Variants in GALNTL5 observed in about 807,000 individuals in gnomAD.
GALNTL5 encodes polypeptide N-acetylgalactosaminyltransferase like 5, also known as inactive polypeptide N-acetylgalactosaminyltransferase-like protein 5.
Under a neutral mutation model 51.0 loss-of-function variants are expected in GALNTL5, and 44 were observed. That is an observed-to-expected ratio of 0.86 (90% CI 0.68 to 1.11). The LOEUF (loss-of-function observed/expected upper bound fraction) is 1.11, where lower values mean the gene tolerates loss of function less well. Among genes scored for constraint, GALNTL5 ranks in the 50% least tolerant of loss-of-function variants. The pLI, the probability that GALNTL5 is intolerant of heterozygous loss-of-function variation, is 0.00. For missense variants in GALNTL5, 528 were observed against 531.8 expected, an observed-to-expected ratio of 0.99 and a Z score of 0.07; for synonymous variants, 192 against 182.8, an observed-to-expected ratio of 1.05 and a Z score of -0.41.
chr7:151,984,203 G>T (rs1279166601), intron 4 of GALNTL5: 6 of 152,244 alleles, frequency 3.9e-5, no homozygotes, highest in Non-Finnish European at 8.8e-5. Flanking sequence ...CTGCAGTTAA[G>T]TGTGTATTCT....
At chr7:151,964,477 G>A (rs1008293411) in intron 1 of GALNTL5, among the ~76,000 whole-genome samples, 2 of 152,174 alleles carry the variant, frequency 1.3e-5, no homozygotes, top group African/African-American at 2.4e-5. Context: ...TAAGTCTCAC[G>A]AGATCTGATG....
chr7:152,013,777 C>T (rs901974399), intron 7 of GALNTL5, among the ~76,000 whole-genome samples: 2 of 152,290 alleles, frequency 1.3e-5, no homozygotes, highest in East Asian at 1.9e-4. Context: ...TTTATGTCTA[C>T]GTGAGTTTAC....
chr7:151,975,290 G>A (rs2081192457), intron 3 of GALNTL5, among the ~76,000 whole-genome samples: 1 of 151,980 alleles, frequency 6.6e-6, no homozygotes, highest in Non-Finnish European at 1.5e-5. Flanking sequence ...TCATGATTCA[G>A]TCTTGATAGG....
chr7:152,002,171 T>G (rs773019320), intron 5 of GALNTL5, among the ~76,000 whole-genome samples: 1 of 151,972 alleles, frequency 6.6e-6, no homozygotes, highest in Non-Finnish European at 1.5e-5. Context: ...TCCCAGCTAC[T>G]TGGGAGGCTG....
chr7:152,010,036 C>T (rs571013939), intron 7 of GALNTL5, among the ~76,000 whole-genome samples: 1 of 152,182 alleles, frequency 6.6e-6, no homozygotes, highest in East Asian at 1.9e-4. Flanking sequence ...TTCATCCATG[C>T]AACAATATGT....
chr7:151,975,513 C>T (rs1230959014), intron 3 of GALNTL5, among the ~76,000 whole-genome samples: 3 of 151,910 alleles, frequency 2.0e-5, no homozygotes, highest in African/African-American at 7.2e-5. Flanking sequence ...AAAAACCCAA[C>T]TCTTTGTTTG....
At chr7:151,990,643 C>G (rs1204372810) in intron 5 of GALNTL5, among the ~76,000 whole-genome samples, 3 of 150,972 alleles carry the variant, frequency 2.0e-5, no homozygotes, top group Non-Finnish European at 3.0e-5. Context: ...CCTAGCCTCT[C>G]TTCAATAGGA....
At chr7:152,006,782 TG>T (rs200148435) in intron 6 of GALNTL5, among the ~76,000 whole-genome samples, 2 of 151,440 alleles carry the variant, frequency 1.3e-5, no homozygotes, top group South Asian at 2.1e-4. Context: ...TTCTTTTTTT[TG>T]GGGGGGGCGG....
At chr7:151,972,659 T>G (rs905258117) in intron 3 of GALNTL5, among the ~76,000 whole-genome samples, 2 of 152,166 alleles carry the variant, frequency 1.3e-5, no homozygotes, top group African/African-American at 4.8e-5. Flanking sequence ...GGGACCAAAG[T>G]ACAACTAAGG....
chr7:151,999,507 C>G (rs2081544385), intron 5 of GALNTL5, among the ~76,000 whole-genome samples: 1 of 152,220 alleles, frequency 6.6e-6, no homozygotes, highest in Non-Finnish European at 1.5e-5. Flanking sequence ...CTCCATATCC[C>G]TGCCAAAACT....
intron 7 of GALNTL5, among the ~76,000 whole-genome samples, chr7:152,011,822 T>C (rs1221947820): frequency 6.6e-6 from 1 of 152,206 alleles, no homozygotes; most frequent in Non-Finnish European, 1.5e-5. Flanking sequence ...TTTCTATTCC[T>C]AAGAGTTTTA....
At chr7:151,985,146 C>T (rs1341735571) in intron 4 of GALNTL5, among the ~76,000 whole-genome samples, 1 of 152,164 alleles carries the variant, frequency 6.6e-6, no homozygotes, top group Non-Finnish European at 1.5e-5. Context: ...GCTCCATCAC[C>T]CAGTTATGCC....
At position 151,967,210 on chromosome 7, in the gene GALNTL5, A is replaced by C. The variant is rs1238856840; in HGVS notation, c.-37A>C. The stretch of plus-strand genomic sequence containing the variant: ...CCTCTTAAATCATTCTGATTTAGGA[A>C]ATTGAAAAATGGACCTTTGAAAATG... On this transcript the variant is annotated splice_region_variant and 5_prime_UTR_variant, in exon 2 of 9. Transcript: ENST00000392800. The C allele has an allele frequency of 1.0e-5, 16 of 1,588,440 alleles. No homozygotes were observed. The highest frequency in any genetic ancestry group is 1.3e-5 in the Non-Finnish European group (15 of 1,165,998).
In GALNTL5 at chr7:152,019,688, T is replaced by C. The variant is rs779333636; in HGVS notation, c.1219T>C (p.Tyr407His). The change falls in exon 9 of 9, where the codon TAC (tyrosine) becomes CAC (histidine). Residue 407 changes from tyrosine (Y) to histidine (H), a missense_variant. Physicochemically the swap from Tyr to His is moderately conservative, Grantham distance 83. Coordinates refer to ENST00000392800, the MANE Select transcript of GALNTL5 (RefSeq NM_145292.4). ...AAAGCCTGGTCTGAAATATGTCACC[T>C]ACGGAAATATTCGCGAGCGTGTTGA... ...LRKPGLKYVTYGNIRERVELR... is the reference protein window; with the variant it reads ...LRKPGLKYVTHGNIRERVELR... 18 of 1,613,698 alleles carry C rather than the reference T, an allele frequency of 1.1e-5. No homozygotes were observed. In the Admixed American group the frequency reaches 2.8e-4, roughly 25 times the overall value.
At chr7:151,988,393 G>A (rs763668111) in intron 5 of GALNTL5, among the ~76,000 whole-genome samples, 58 of 152,104 alleles carry the variant, frequency 3.8e-4, no homozygotes, top group Non-Finnish European at 4.1e-4. Context: ...CACGGGAGGC[G>A]AATCATTTGT....
chr7:152,004,746 C>T (rs2081622874), intron 6 of GALNTL5, among the ~76,000 whole-genome samples: 1 of 152,158 alleles, frequency 6.6e-6, no homozygotes, highest in South Asian at 2.1e-4. Flanking sequence ...AGATAATGGC[C>T]TCCAGTTCCA....
chr7:152,008,834 T>C (rs1402070422), intron 7 of GALNTL5, among the ~76,000 whole-genome samples: 1 of 152,206 alleles, frequency 6.6e-6, no homozygotes, highest in Non-Finnish European at 1.5e-5. Context: ...CATTTTATTC[T>C]GTTTAGTTGA....
chr7:151,981,034 C>A (rs973652096), intron 3 of GALNTL5, among the ~76,000 whole-genome samples: 1 of 152,062 alleles, frequency 6.6e-6, no homozygotes, highest in Admixed American at 6.5e-5. Context: ...CTTGAGCCAC[C>A]GCGCCCGGCC....
At chr7:151,971,094 T>A in intron 3 of GALNTL5, 29 bp downstream of exon 3, 1 of 1,235,256 alleles carries the variant, frequency 8.1e-7, no homozygotes, top group Non-Finnish European at 1.1e-6. Context: ...TCTCTCATTC[T>A]CTAGATAGAT....
Sources: gnomAD v4.1 joint callset for allele counts (sites outside exome capture counted in the v4.1 genomes callset) on GRCh38, gnomAD v4.1.1 for gene constraint, MANE v1.5 for transcripts, NCBI Gene and HGNC (gene_info 2026-07-23, HGNC 2026-07-21) for gene names.